Variants in HLCS observed in about 807,000 individuals in gnomAD.
The protein encoded by HLCS is holocarboxylase synthetase, also known as biotin--protein ligase.
A neutral mutation model predicts 75.0 loss-of-function variants in HLCS; 53 were observed. The observed-to-expected ratio is 0.71, with a 90% CI of 0.57 to 0.89. The LOEUF (loss-of-function observed/expected upper bound fraction) is 0.89. Among genes scored for constraint, HLCS ranks in the 40% least tolerant of loss-of-function variants. The pLI, the probability that HLCS is intolerant of heterozygous loss-of-function variation, is 0.00. For synonymous variants in HLCS, 431 were observed against 428.6 expected (o/e 1.01, Z -0.07); for missense variants, 966 against 1,074.0 (o/e 0.90, Z 1.41).
chr21:36,778,811 G>A (rs1256547861), intron 6 of HLCS, among the ~76,000 whole-genome samples: 1 of 151,966 alleles, frequency 6.6e-6, no homozygotes, highest in African/African-American at 2.4e-5. Context: ...CACATATCTG[G>A]CAAGTGAATG....
intron 4 of HLCS, among the ~76,000 whole-genome samples, chr21:36,936,081 A>G (rs1483662082): frequency 6.6e-6 from 1 of 152,188 alleles, no homozygotes; most frequent in Non-Finnish European, 1.5e-5. Flanking sequence ...TAAAGACTCA[A>G]TTATATTAAC....
At chr21:36,903,890 T>C (rs1268778689) in intron 5 of HLCS, among the ~76,000 whole-genome samples, 7 of 152,116 alleles carry the variant, frequency 4.6e-5, no homozygotes, top group African/African-American at 1.7e-4. Flanking sequence ...TGAGATTGAA[T>C]GGGGTCATCA....
At chr21:36,808,598 T>C (rs2061425023) in intron 6 of HLCS, among the ~76,000 whole-genome samples, 1 of 152,202 alleles carries the variant, frequency 6.6e-6, no homozygotes, top group Non-Finnish European at 1.5e-5. Context: ...GTTACATGTA[T>C]CTCATCTATA....
intron 6 of HLCS, among the ~76,000 whole-genome samples, chr21:36,803,715 T>C (rs537197637): frequency 6.6e-6 from 1 of 150,712 alleles, no homozygotes; most frequent in South Asian, 2.1e-4. Flanking sequence ...TGAAAAAAAC[T>C]TCCAAAGTGT....
intron 2 of HLCS, among the ~76,000 whole-genome samples, chr21:36,954,075 G>A (rs1041996115): frequency 2.6e-5 from 4 of 152,172 alleles, no homozygotes; most frequent in African/African-American, 9.7e-5. Flanking sequence ...GGAGGCCGAG[G>A]AGGGTGGATC....
chr21:36,960,338 G>A (rs1049129707), intron 2 of HLCS, among the ~76,000 whole-genome samples: 1 of 152,104 alleles, frequency 6.6e-6, no homozygotes, highest in Non-Finnish European at 1.5e-5. Flanking sequence ...CTGGTGAAAC[G>A]ACACCCCAAG....
intron 1 of HLCS, chr21:36,974,278 T>C (rs1168385573): frequency 2.0e-5 from 3 of 152,168 alleles, no homozygotes; most frequent in Non-Finnish European, 4.4e-5. Context: ...CAACGCCCCA[T>C]GGCGGAACTT....
At chr21:36,892,231 C>A (rs2064816449) in intron 6 of HLCS, among the ~76,000 whole-genome samples, 1 of 152,204 alleles carries the variant, frequency 6.6e-6, no homozygotes, top group Non-Finnish European at 1.5e-5. Context: ...TTTTGGAAGC[C>A]CATCCTCTCC....
intron 2 of HLCS, among the ~76,000 whole-genome samples, chr21:36,951,142 G>A (rs1040792482): frequency 4.6e-5 from 7 of 152,196 alleles, no homozygotes; most frequent in South Asian, 2.1e-4. Flanking sequence ...TGATTCGAGC[G>A]TCTTAACTCA....
intron 1 of HLCS, among the ~76,000 whole-genome samples, chr21:36,972,959 T>C (rs13050438): frequency 0.21 from 31,444 of 152,062 alleles, 3,507 homozygotes; most frequent in East Asian, 0.34. Flanking sequence ...CTCATGCCTG[T>C]AATCCCAACA....
At chr21:36,821,388 G>A (rs1288412610) in intron 6 of HLCS, among the ~76,000 whole-genome samples, 2 of 152,198 alleles carry the variant, frequency 1.3e-5, no homozygotes, top group African/African-American at 4.8e-5. Context: ...CTGCCAAGAA[G>A]ATGTGGAAGA....
intron 2 of HLCS, among the ~76,000 whole-genome samples, chr21:36,940,620 G>A (rs2067099905): frequency 6.6e-6 from 1 of 152,206 alleles, no homozygotes; most frequent in Non-Finnish European, 1.5e-5. Context: ...TGAACTTCCA[G>A]GCCAAGTGTG....
chr21:36,773,228 T>C (rs1023590843), intron 6 of HLCS, among the ~76,000 whole-genome samples: 11 of 152,206 alleles, frequency 7.2e-5, no homozygotes, highest in African/African-American at 2.4e-4. Flanking sequence ...AGTTCACTAG[T>C]TGGTGGAGCA....
chr21:36,885,977 A>G lies in HLCS; in HGVS notation c.1892+10883T>C, dbSNP rs747605725. Among the ~76,000 whole-genome samples the G allele has an allele frequency of 6.2e-4, 94 of 152,336 alleles. No individual in the cohort carries two copies. In the Middle Eastern group the frequency reaches 0.01, roughly 17 times the overall value. On this transcript the variant is annotated intron_variant, in intron 6 of 10. Coordinates refer to ENST00000674895, the MANE Select transcript of HLCS (RefSeq NM_001352514.2). ...AGGGCCAGCAGGACCCCATCCCAAG[A>G]TCTAAGTAATGTAAAATGAATGAAC...
In HLCS at chr21:36,966,635, G is replaced by A. The variant is rs2068605173; in HGVS notation, c.4C>T (p.Leu2Phe). 1.0e-6 allele frequency: 1 copy of A among 980,848 alleles called. No homozygotes were observed. Among genetic ancestry groups the A allele is most frequent in the Non-Finnish European group, 1.2e-6 (1 of 827,618 alleles). 60.8% of individuals were successfully genotyped at this position (980,848 alleles called of 1,614,324 possible). Residue 2 changes from leucine to phenylalanine, a missense_variant, in exon 1 of 11, where the codon CTC becomes TTC. Coordinates refer to ENST00000674895, the MANE Select transcript of HLCS (RefSeq NM_001352514.2). The stretch of plus-strand genomic sequence containing the variant: ...AGGTACAGGTAGCACAGCGTGATGA[G>A]CATGGCCGCGCCGCCGGCAGGGCGA... M[L>F]ITLCYLYLWA...
intron 9 of HLCS, among the ~76,000 whole-genome samples, chr21:36,758,954 A>C (rs1474567561): frequency 6.6e-6 from 1 of 151,884 alleles, no homozygotes; most frequent in Non-Finnish European, 1.5e-5. Context: ...ACTGCATTCC[A>C]GCCCGGGCAA....
chr21:36,847,620 G>C (rs2062842231), intron 6 of HLCS, among the ~76,000 whole-genome samples: 1 of 152,182 alleles, frequency 6.6e-6, no homozygotes. Flanking sequence ...TAACATTTGG[G>C]TCAAAACTCC....
At chr21:36,789,186 C>G (rs968277000) in intron 6 of HLCS, among the ~76,000 whole-genome samples, 2 of 152,190 alleles carry the variant, frequency 1.3e-5, no homozygotes, top group Non-Finnish European at 2.9e-5. Context: ...TCCCAAGTAA[C>G]TGGGACCACA....
intron 5 of HLCS, among the ~76,000 whole-genome samples, chr21:36,904,429 T>C (rs1356787011): frequency 1.3e-5 from 2 of 152,196 alleles, no homozygotes; most frequent in Admixed American, 6.5e-5. Flanking sequence ...GGTTTTTTTC[T>C]TATACTTATT....
Sources: allele counts gnomAD v4.1 joint callset (sites outside exome capture counted in the v4.1 genomes callset), GRCh38; gene constraint gnomAD v4.1.1; transcripts MANE v1.5; gene names NCBI Gene and HGNC (gene_info 2026-07-23, HGNC 2026-07-21).